Variants in BRINP3 observed in about 807,000 individuals in gnomAD.
BRINP3 encodes the protein BMP/retinoic acid inducible neural specific 3, also known as BMP/retinoic acid-inducible neural-specific protein 3.
Under a neutral mutation model 71.0 loss-of-function variants are expected in BRINP3, and 19 were observed. The observed-to-expected ratio is 0.27, with a 90% confidence interval of 0.19 to 0.39. The LOEUF (loss-of-function observed/expected upper bound fraction) is 0.39, where lower values mean the gene tolerates loss of function less well. Among genes scored for constraint, BRINP3 ranks in the 10% least tolerant of loss-of-function variants. The pLI is 1.00. For synonymous variants in BRINP3, 380 were observed against 337.7 expected, an observed-to-expected ratio of 1.13 and a Z score of -1.37; for missense variants, 959 against 940.8, an observed-to-expected ratio of 1.02 and a Z score of -0.25.
intron 6 of BRINP3, among the ~76,000 whole-genome samples, chr1:190,174,037 A>G (rs1166774766): frequency 2.6e-5 from 4 of 152,192 alleles, no homozygotes; most frequent in African/African-American, 9.6e-5. Context: ...GGACTTCCTC[A>G]AAGTATCTCA....
rs1655522769 is a variant in BRINP3, at chr1:190,142,312, G to A, written c.1184+18356C>T. Among the ~76,000 whole-genome samples, 4 of 152,142 alleles carry A rather than the reference G, an allele frequency of 2.6e-5. No homozygotes were observed. The South Asian group carries it at 8.3e-4, about 31-fold the overall frequency. On this transcript the variant is annotated intron_variant, in intron 7 of 7. Coordinates refer to ENST00000367462, the MANE Select transcript of BRINP3 (RefSeq NM_199051.3). Reference sequence around the variant, plus strand: ...TTTTACATAACCTGATATATGAAAGGTCAAGAAGCACCTGAAATGATAACT... The same window carrying A: ...TTTTACATAACCTGATATATGAAAGATCAAGAAGCACCTGAAATGATAACT...
intron 7 of BRINP3, among the ~76,000 whole-genome samples, chr1:190,145,760 T>C (rs1028741778): frequency 6.6e-6 from 1 of 152,066 alleles, no homozygotes. Flanking sequence ...ACTGCAAAGA[T>C]ATGAAACCAA....
intron 2 of BRINP3, among the ~76,000 whole-genome samples, chr1:190,288,000 G>C (rs186674615): frequency 5.7e-4 from 86 of 152,134 alleles, no homozygotes; most frequent in African/African-American, 2.0e-3. Flanking sequence ...GATTAAGCTT[G>C]TTTAAATTAA....
chr1:190,312,058 T>TAC (rs1665568386), intron 2 of BRINP3, among the ~76,000 whole-genome samples: 1 of 140,626 alleles, frequency 7.1e-6, no homozygotes, highest in Admixed American at 7.1e-5. Context: ...TATATATATA[T>TAC]ATATATATAT....
intron 4 of BRINP3, among the ~76,000 whole-genome samples, chr1:190,239,228 T>C (rs545038831): frequency 2.0e-5 from 3 of 152,220 alleles, no homozygotes; most frequent in African/African-American, 7.2e-5. Context: ...AGCCAAACCA[T>C]ATCAAGTGGC....
intron 6 of BRINP3, among the ~76,000 whole-genome samples, chr1:190,209,251 A>T (rs1655780007): frequency 6.6e-6 from 1 of 152,112 alleles, no homozygotes; most frequent in Admixed American, 6.6e-5. Flanking sequence ...TCTGATTTCA[A>T]CCACAACTAA....
At chr1:190,244,466 A>G (rs1229808794) in intron 4 of BRINP3, among the ~76,000 whole-genome samples, 1 of 152,112 alleles carries the variant, frequency 6.6e-6, no homozygotes, top group Non-Finnish European at 1.5e-5. Context: ...TTAGAAATTG[A>G]ATTATCTGTT....
chr1:190,202,555 C>T (rs193224353), intron 6 of BRINP3, among the ~76,000 whole-genome samples: 428 of 152,192 alleles, frequency 2.8e-3, no homozygotes, highest in African/African-American at 1.0e-2. Context: ...TATGGGTTGG[C>T]TCTATGTCCC....
intron 2 of BRINP3, among the ~76,000 whole-genome samples, chr1:190,389,275 A>C (rs959821360): frequency 2.6e-5 from 4 of 151,708 alleles, no homozygotes; most frequent in African/African-American, 9.7e-5. Flanking sequence ...CCTACCATCC[A>C]ATCTATTCCC....
At chr1:190,395,259 A>G (rs576677560) in intron 2 of BRINP3, among the ~76,000 whole-genome samples, 5 of 151,726 alleles carry the variant, frequency 3.3e-5, no homozygotes, top group Non-Finnish European at 7.4e-5. Flanking sequence ...CTTTATGCAT[A>G]GTTTTGTCTA....
At chr1:190,426,030 G>A (rs1295725693) in intron 2 of BRINP3, among the ~76,000 whole-genome samples, 1 of 151,636 alleles carries the variant, frequency 6.6e-6, no homozygotes, top group Non-Finnish European at 1.5e-5. Flanking sequence ...ATTATATTTT[G>A]ATATGAATAA....
chr1:190,122,274 T>C (rs1295584286), intron 7 of BRINP3, among the ~76,000 whole-genome samples: 1 of 152,088 alleles, frequency 6.6e-6, no homozygotes, highest in Non-Finnish European at 1.5e-5. Flanking sequence ...GATATGAATA[T>C]AAATATTATA....
intron 2 of BRINP3, among the ~76,000 whole-genome samples, chr1:190,369,137 C>G (rs1213288333): frequency 6.6e-6 from 1 of 152,008 alleles, no homozygotes; most frequent in Non-Finnish European, 1.5e-5. Context: ...TATTTAATAT[C>G]TGTAATATTA....
intron 1 of BRINP3, among the ~76,000 whole-genome samples, chr1:190,455,322 G>C (rs978547394): frequency 2.0e-5 from 3 of 151,934 alleles, no homozygotes; most frequent in African/African-American, 7.2e-5. Flanking sequence ...TTTAATACTA[G>C]ATTTAATTTT....
intron 7 of BRINP3, among the ~76,000 whole-genome samples, chr1:190,127,194 T>C (rs1357511699): frequency 6.6e-6 from 1 of 151,804 alleles, no homozygotes; most frequent in African/African-American, 2.4e-5. Flanking sequence ...TTTTTATTTC[T>C]GAACTAAAGA....
In BRINP3 at chr1:190,099,391, G is replaced by A. The variant is rs187610194; in HGVS notation, c.1185-257C>T. 2.4e-3 allele frequency among the ~76,000 whole-genome samples: 360 copies of A among 152,086 alleles called. 2 individuals carry two copies. Among genetic ancestry groups the A allele is most frequent in the South Asian group, 6.8e-3 (33 of 4,818 alleles). ...ACAAGATTAGAGCTATACTTGGTCT[G>A]AACTGCAATACATTTCTAAATATGT... On this transcript the variant is annotated intron_variant, in intron 7 of 7. Coordinates refer to ENST00000367462, the MANE Select transcript of BRINP3 (RefSeq NM_199051.3).
intron 4 of BRINP3, 94 bp downstream of exon 4, chr1:190,264,771 A>G: frequency 1.1e-6 from 1 of 938,438 alleles, no homozygotes. Flanking sequence ...TAATTGTTTA[A>G]ATTCATGGAA....
At chr1:190,195,777 A>C (rs1654426810) in intron 6 of BRINP3, among the ~76,000 whole-genome samples, 1 of 152,000 alleles carries the variant, frequency 6.6e-6, no homozygotes, top group Admixed American at 6.6e-5. Context: ...CTAATTAAAT[A>C]ATTTTTACTG....
intron 1 of BRINP3, among the ~76,000 whole-genome samples, chr1:190,468,847 T>A (rs1015362363): frequency 2.6e-5 from 4 of 151,104 alleles, no homozygotes; most frequent in African/African-American, 9.7e-5. Flanking sequence ...TAAAATATAC[T>A]TTGAATGTCC....
Sources: allele counts gnomAD v4.1 joint callset (sites outside exome capture counted in the v4.1 genomes callset), GRCh38; gene constraint gnomAD v4.1.1; transcripts MANE v1.5; gene names NCBI Gene and HGNC (gene_info 2026-07-23, HGNC 2026-07-21).